RYR3: variants seen among roughly 807,000 people sequenced by gnomAD.
RYR3 encodes the protein brain ryanodine receptor-calcium release channel.
Under a neutral mutation model 584.3 loss-of-function variants are expected in RYR3, and 207 were observed. The observed-to-expected ratio is 0.35, with a 90% confidence interval of 0.32 to 0.40. The LOEUF (loss-of-function observed/expected upper bound fraction) is 0.40, where lower values mean the gene tolerates loss of function less well. Among genes scored for constraint, RYR3 ranks in the 10% least tolerant of loss-of-function variants. The pLI is 1.00. For synonymous variants in RYR3, 2,416 were observed against 2,248.5 expected, an observed-to-expected ratio of 1.07 and a Z score of -2.11; for missense variants, 5,616 against 6,089.2, an observed-to-expected ratio of 0.92 and a Z score of 2.59.
chr15:33,722,581 A>C (rs183710353), intron 43 of RYR3, 134 bp from the exon 44 acceptor site: 2 of 801,380 alleles, frequency 2.5e-6, no homozygotes, highest in Non-Finnish European at 4.1e-6. Flanking sequence ...CCCACTGCCC[A>C]CTTGACTGGC....
At chr15:33,404,545 C>A (rs1044803122) in intron 1 of RYR3, among the ~76,000 whole-genome samples, 2 of 151,112 alleles carry the variant, frequency 1.3e-5, no homozygotes, top group African/African-American at 4.9e-5. Flanking sequence ...AAATTAGGGA[C>A]CTGTTTATCA....
At chr15:33,438,932 T>C (rs1398670308) in intron 1 of RYR3, among the ~76,000 whole-genome samples, 1 of 152,208 alleles carries the variant, frequency 6.6e-6, no homozygotes, top group East Asian at 1.9e-4. Flanking sequence ...AGGATGTTTT[T>C]CTGTGGTCAC....
chr15:33,382,659 A>G (rs533478315), intron 1 of RYR3, among the ~76,000 whole-genome samples: 1 of 152,216 alleles, frequency 6.6e-6, no homozygotes, highest in Non-Finnish European at 1.5e-5. Context: ...ATTGTGCAAA[A>G]GAATGAAGTA....
rs369324822 is a variant in RYR3 at position 33,503,659 on chromosome 15, A to G, written c.200A>G (p.Asn67Ser). The change falls in exon 3 of 104, where the codon AAT becomes AGT. Residue 67 changes from asparagine to serine, a missense_variant. Asn to Ser is a conservative substitution (Grantham distance 46). Around this residue, in one of 9 missense-constraint regions of RYR3, gnomAD observed 1,284 missense variants for 1,344.6 expected, o/e 0.95. Transcript: ENST00000634891. ...KYIPPDLCVC[N>S]FVLEQSLSVR... ...ATTCCTCCAGATCTCTGCGTCTGCA[A>G]TTTTGTGCTGGAACAGTCCCTATCT... 6.2e-6 allele frequency: 10 copies of G among 1,612,488 alleles called. No individual in the cohort carries two copies. The highest frequency in any genetic ancestry group is 5.9e-6 in the Non-Finnish European group (7 of 1,179,226).
chr15:33,388,497 C>T (rs538083101), intron 1 of RYR3, among the ~76,000 whole-genome samples: 4 of 152,098 alleles, frequency 2.6e-5, no homozygotes, highest in Admixed American at 6.5e-5. Context: ...TGAGGAAAAG[C>T]GATTCTATAG....
At chr15:33,643,863 C>T (rs1482226668) in intron 27 of RYR3, among the ~76,000 whole-genome samples, 1 of 151,986 alleles carries the variant, frequency 6.6e-6, no homozygotes, top group East Asian at 1.9e-4. Flanking sequence ...ACATAGTTAC[C>T]CATCTTTTTG....
chr15:33,861,268 G>GT, intron 102 of RYR3, 90 bp downstream of exon 102: 1 of 975,252 alleles, frequency 1.0e-6, no homozygotes, highest in South Asian at 1.4e-5. Context: ...TGGAAAAAGA[G>GT]TAACCAGAAA....
chr15:33,805,814 T>C (rs906862600), intron 69 of RYR3, among the ~76,000 whole-genome samples: 8 of 152,160 alleles, frequency 5.3e-5, no homozygotes, highest in African/African-American at 1.9e-4. Context: ...CTTGCACTTC[T>C]GCTGTTTACT....
In RYR3 at chr15:33,634,242, C is replaced by A. The variant is rs139358974; in HGVS notation, c.3028-344C>A. Among the ~76,000 whole-genome samples the A allele has an allele frequency of 3.0e-3, 457 of 151,936 alleles. 1 individual carries two copies. The highest frequency in any genetic ancestry group is 0.011 in the African/African-American group (436 of 41,462). On this transcript the variant is annotated intron_variant, in intron 24 of 103. Transcript: ENST00000634891. The stretch of plus-strand genomic sequence containing the variant: ...AATTTTTGTATTTTTCATAGAGATG[C>A]GGTTTCACCATGTTGGCAGACTGGT...
At chr15:33,670,197 A>G (rs765407282) in intron 37 of RYR3, among the ~76,000 whole-genome samples, 35 of 151,746 alleles carry the variant, frequency 2.3e-4, no homozygotes, top group Middle Eastern at 3.2e-3. Flanking sequence ...CACATGTTTT[A>G]GGATTAAACT....
At chr15:33,495,900 T>C (rs1470770329) in intron 2 of RYR3, among the ~76,000 whole-genome samples, 1 of 152,218 alleles carries the variant, frequency 6.6e-6, no homozygotes, top group African/African-American at 2.4e-5. Flanking sequence ...AATTATGTGT[T>C]ATCGATAATT....
Position 33,845,065 on chromosome 15 carries a change from G to T in RYR3, c.13497+3G>T, listed in dbSNP as rs1285245886. The T allele has an allele frequency of 6.2e-7, 1 of 1,613,672 alleles. No individual in the cohort carries two copies. The highest frequency in any genetic ancestry group is 8.5e-7 in the Non-Finnish European group (1 of 1,179,788). ...TGGTGGGCTACTACTGCCTGAAGGT[G>T]AGCTGTTTGCCACTCTGGATCTAAT... On this transcript the variant is annotated splice_donor_region_variant and intron_variant, in intron 93 of 103. Transcript: ENST00000634891.
Position 33,810,964 on chromosome 15 carries a change from A to G in RYR3, c.10198-14A>G, listed in dbSNP as rs1282135077. On this transcript the variant is annotated splice_polypyrimidine_tract_variant and intron_variant, in intron 71 of 103. Coordinates refer to ENST00000634891, the MANE Select transcript of RYR3 (RefSeq NM_001036.6). The stretch of plus-strand genomic sequence containing the variant: ...GTGATCTCCGGGAATAAAATCTGAC[A>G]TCTCTTTCCACAGAGGGACACAGAT... 5 of 1,600,968 alleles carry G rather than the reference A, an allele frequency of 3.1e-6. No individual in the cohort carries two copies. The highest frequency in any genetic ancestry group is 4.3e-6 in the Non-Finnish European group (5 of 1,173,658).
chr15:33,802,567 C>T (rs1253901568), intron 69 of RYR3, among the ~76,000 whole-genome samples: 1 of 152,142 alleles, frequency 6.6e-6, no homozygotes, highest in Non-Finnish European at 1.5e-5. Flanking sequence ...TAGAGAGGAG[C>T]ATAGCAGGAA....
chr15:33,631,351 TC>T, intron 23 of RYR3, 58 bp downstream of exon 23: 1 of 1,160,046 alleles, frequency 8.6e-7, no homozygotes, highest in Non-Finnish European at 1.3e-6. Context: ...GGATTTTTAA[TC>T]CAGGAGGGTG....
At chr15:33,451,767 T>C (rs944099997) in intron 1 of RYR3, among the ~76,000 whole-genome samples, 1 of 152,236 alleles carries the variant, frequency 6.6e-6, no homozygotes, top group African/African-American at 2.4e-5. Context: ...TATTTCTGCT[T>C]TATAGTTTAT....
chr15:33,502,188 G>C (rs958729005), intron 2 of RYR3, among the ~76,000 whole-genome samples: 2 of 152,156 alleles, frequency 1.3e-5, no homozygotes, highest in Non-Finnish European at 2.9e-5. Context: ...GAAAATTGTA[G>C]GCAGGTCCAG....
intron 1 of RYR3, among the ~76,000 whole-genome samples, chr15:33,403,232 A>G (rs567834229): frequency 1.5e-4 from 23 of 151,428 alleles, no homozygotes; most frequent in Admixed American, 1.1e-3. Flanking sequence ...TCAACCATGT[A>G]TAGGTAGAAA....
At chr15:33,498,513 T>C (rs937329118) in intron 2 of RYR3, among the ~76,000 whole-genome samples, 2 of 152,116 alleles carry the variant, frequency 1.3e-5, no homozygotes, top group Non-Finnish European at 2.9e-5. Context: ...GCTCATTTTG[T>C]AGTTGAGTTT....
Sources: gnomAD v4.1 joint callset for allele counts (sites outside exome capture counted in the v4.1 genomes callset) on GRCh38, gnomAD v4.1.1 for gene constraint, gnomAD v4.1.1 regional missense constraint, MANE v1.5 for transcripts, NCBI Gene and HGNC (gene_info 2026-07-23, HGNC 2026-07-21) for gene names.